The following RPGRIP1L variants were observed in gnomAD, a reference collection of about 807,000 sequenced individuals.
RPGRIP1L encodes the protein RPGRIP1 like, also known as protein fantom.
A neutral mutation model predicts 160.4 loss-of-function variants in RPGRIP1L; 131 were observed. The observed-to-expected ratio is 0.82, with a 90% CI of 0.71 to 0.94. The LOEUF (loss-of-function observed/expected upper bound fraction) is 0.94. Ranked by LOEUF, RPGRIP1L falls within the 40% of genes least tolerant of loss-of-function variation. RPGRIP1L has a pLI of 0.00. For synonymous variants in RPGRIP1L, 510 were observed against 515.8 expected (o/e 0.99, Z 0.15); for missense variants, 1,522 against 1,535.8 (o/e 0.99, Z 0.15).
rs1424253679 is a variant in RPGRIP1L at position 53,619,046 on chromosome 16, C to A, written c.3595G>T (p.Val1199Phe). 1.9e-6 allele frequency: 3 copies of A among 1,613,724 alleles called. No homozygotes were observed. The highest frequency in any genetic ancestry group is 2.5e-6 in the Non-Finnish European group (3 of 1,179,682). The stretch of plus-strand genomic sequence containing the variant: ...ATACCATTGCTATAGTTATAGTAGA[C>A]CCACTGCCCACTCTTGGGTTTTGGA... ...SLPKPKSGQW[V>F]YYNYSNVIYV... The change falls in exon 24 of 27, where the codon GTC becomes TTC. Residue 1199 changes from valine to phenylalanine, a missense_variant. By Grantham distance (50) the Val-to-Phe change is conservative (BLOSUM62 -1). Transcript: ENST00000647211.
rs186300697 is a variant in RPGRIP1L at position 53,637,570 on chromosome 16, G to C, written c.3220+125C>G. 1.0e-4 allele frequency: 86 copies of C among 833,342 alleles called. No individual in the cohort carries two copies. The African/African-American group carries it at 1.2e-3, about 12-fold the overall frequency. The allele number at this position is 833,342 out of a possible 1,614,324, so 51.6% of individuals were successfully genotyped here. On this transcript the variant is annotated intron_variant, in intron 21 of 26. Transcript: ENST00000647211. ...GATGGAACTATATTCTATCATTTCT[G>C]TCAAGAAACAGGTATCGTGAAGTAG...
chr16:53,628,162 A>G (rs1460548905), intron 22 of RPGRIP1L: 2 of 151,998 alleles, frequency 1.3e-5, no homozygotes, highest in Non-Finnish European at 2.9e-5. Context: ...ATACAAATAA[A>G]GCCTACCTGT....
At chr16:53,658,909 G>T in intron 10 of RPGRIP1L, 31 bp from the exon 11 acceptor site, 1 of 1,391,684 alleles carries the variant, frequency 7.2e-7, no homozygotes, top group Non-Finnish European at 1.0e-6. Context: ...AATTGGAAAG[G>T]TAAGTAAAAA....
chr16:53,694,309 C>G (rs534711404), intron 3 of RPGRIP1L: 1 of 151,312 alleles, frequency 6.6e-6, no homozygotes, highest in African/African-American at 2.4e-5. Flanking sequence ...TGGTGGCAGG[C>G]GCCTGTGATC....
In RPGRIP1L at chr16:53,649,331, GAAC is replaced by G. The variant is rs376595729; in HGVS notation, c.2153-219_2153-217del. On this transcript the variant is annotated intron_variant, in intron 15 of 26. Transcript: ENST00000647211. ...TCATTGTATATTAAATATTATTAAA[GAAC>G]TACATCAAACTATGTTTGAGATATT... Among the ~76,000 whole-genome samples, 297 of 152,118 alleles carry G rather than the reference GAAC, an allele frequency of 2.0e-3. 2 individuals are homozygous for G. The highest frequency in any genetic ancestry group is 6.8e-3 in the African/African-American group (281 of 41,478).
At chr16:53,685,088 C>G (rs1054203979) in intron 6 of RPGRIP1L, among the ~76,000 whole-genome samples, 18 of 152,112 alleles carry the variant, frequency 1.2e-4, no homozygotes, top group Admixed American at 7.2e-4. Context: ...AAGAAGACAT[C>G]ATGTGGCCAA....
At chr16:53,640,845 T>C (rs1966165161) in intron 19 of RPGRIP1L, among the ~76,000 whole-genome samples, 188 bp downstream of exon 19, 1 of 151,342 alleles carries the variant, frequency 6.6e-6, no homozygotes, top group South Asian at 2.1e-4. Flanking sequence ...CAAAAAAGGG[T>C]TTAGATAAAA....
At chr16:53,637,204 C>A (rs956561510) in intron 21 of RPGRIP1L, among the ~76,000 whole-genome samples, 2 of 152,114 alleles carry the variant, frequency 1.3e-5, no homozygotes, top group African/African-American at 4.8e-5. Flanking sequence ...GAAACCAACA[C>A]CACAGTTAAG....
At chr16:53,618,746 C>T (rs570731160) in intron 24 of RPGRIP1L, among the ~76,000 whole-genome samples, 4 of 152,110 alleles carry the variant, frequency 2.6e-5, no homozygotes, top group Non-Finnish European at 4.4e-5. Flanking sequence ...GAGGTTTTGC[C>T]GTGTAGCCCA....
chr16:53,664,805 G>T, intron 10 of RPGRIP1L, 65 bp downstream of exon 10: 1 of 1,556,056 alleles, frequency 6.4e-7, no homozygotes, highest in South Asian at 1.1e-5. Context: ...AGTAAGTACT[G>T]ACTGATTCAA....
chr16:53,603,829 C>T (rs1963514565), intron 26 of RPGRIP1L, among the ~76,000 whole-genome samples: 1 of 152,088 alleles, frequency 6.6e-6, no homozygotes, highest in African/African-American at 2.4e-5. Context: ...TTCCCTGGAG[C>T]TGTCATCTCT....
At chr16:53,636,682 G>A (rs1170718519) in intron 21 of RPGRIP1L, among the ~76,000 whole-genome samples, 170 bp from the exon 22 acceptor site, 1 of 151,144 alleles carries the variant, frequency 6.6e-6, no homozygotes, top group Non-Finnish European at 1.5e-5. Context: ...TACATTTTAG[G>A]GAAAAAAAAG....
At chr16:53,634,897 G>T (rs1298675892) in intron 22 of RPGRIP1L, among the ~76,000 whole-genome samples, 2 of 152,274 alleles carry the variant, frequency 1.3e-5, no homozygotes, top group East Asian at 3.9e-4. Context: ...GTCAGTGACT[G>T]CTGCTGAAAA....
chr16:53,613,410 A>T (rs1244792275), intron 24 of RPGRIP1L, among the ~76,000 whole-genome samples: 3 of 151,956 alleles, frequency 2.0e-5, no homozygotes, highest in African/African-American at 7.3e-5. Flanking sequence ...CCTGGGCTCA[A>T]CTGATCCTCC....
In RPGRIP1L at chr16:53,671,573, C is replaced by G; in HGVS notation, c.1040G>C (p.Arg347Thr). ...CCGTTCCTTTTCTAAATCATTAATT[C>G]TATCCTGCAGCTAAAATGAAAATAA... ...SERRIEELQDRINDLEKEREL... is the reference protein window; with the variant it reads ...SERRIEELQDTINDLEKEREL... The change falls in exon 9 of 27, where the codon AGA (arginine) becomes ACA (threonine). Residue 347 changes from arginine (R) to threonine (T), a missense_variant. By Grantham distance (71) the Arg-to-Thr change is moderately conservative (BLOSUM62 -1). Transcript: ENST00000647211. 1 of 1,524,554 alleles carries G rather than the reference C, an allele frequency of 6.6e-7. No homozygotes were observed. The highest frequency in any genetic ancestry group is 9.1e-7 in the Non-Finnish European group (1 of 1,102,902). 94.4% of individuals were successfully genotyped at this position (1,524,554 alleles called of 1,614,324 possible). A position where few individuals can be genotyped will look rare whatever the true frequency, so the allele number is the denominator to read the frequency against.
At chr16:53,680,517 C>A (rs1443472312) in intron 6 of RPGRIP1L, among the ~76,000 whole-genome samples, 1 of 151,880 alleles carries the variant, frequency 6.6e-6, no homozygotes, top group Admixed American at 6.6e-5. Context: ...CAACACGTGA[C>A]CCTCGACTGG....
At position 53,668,088 on chromosome 16, in the gene RPGRIP1L, G is replaced by T. The variant is rs1254709284; in HGVS notation, c.1104-3079C>A. Reference sequence around the variant, plus strand: ...CTCCTTTTTTTTTTTTAAATCATAGGTACTTTATTTAGGGCCTAATGAAAA... The same window carrying T: ...CTCCTTTTTTTTTTTTAAATCATAGTTACTTTATTTAGGGCCTAATGAAAA... On this transcript the variant is annotated intron_variant, in intron 9 of 26. Transcript: ENST00000647211. Among the ~76,000 whole-genome samples, 4 of 151,182 alleles carry T rather than the reference G, an allele frequency of 2.6e-5. No individual in the cohort carries two copies. In the South Asian group the frequency reaches 6.3e-4, roughly 24 times the overall value.
chr16:53,654,948 G>A (rs1967120843), intron 14 of RPGRIP1L, among the ~76,000 whole-genome samples: 1 of 152,196 alleles, frequency 6.6e-6, no homozygotes, highest in African/African-American at 2.4e-5. Context: ...GCCCAGATCA[G>A]AGTTTCTGAA....
Position 53,619,139 on chromosome 16 carries a change from T to C in RPGRIP1L, c.3502A>G (p.Thr1168Ala). 1 of 1,614,038 alleles carries C rather than the reference T, an allele frequency of 6.2e-7. No individual in the cohort carries two copies. Among genetic ancestry groups the C allele is most frequent in the African/African-American group, 1.3e-5 (1 of 75,054 alleles). The change falls in exon 24 of 27, where the codon ACT (threonine) becomes GCT (alanine). Residue 1168 changes from threonine to alanine, a missense_variant. Transcript: ENST00000647211. ...CACTCAACAAACAGCCGTTGGATAG[T>C]GTCATCCATGGTTACTTGAGAATCA... ...LNDSQVTMDDTIQRLFVECRF... is the reference protein window; with the variant it reads ...LNDSQVTMDDAIQRLFVECRF...
Sources: allele counts gnomAD v4.1 joint callset (sites outside exome capture counted in the v4.1 genomes callset), GRCh38; gene constraint gnomAD v4.1.1; transcripts MANE v1.5; gene names NCBI Gene and HGNC (gene_info 2026-07-23, HGNC 2026-07-21).